Variants in SUCLG2 observed in about 807,000 individuals in gnomAD.
The protein encoded by SUCLG2 is succinate-CoA ligase GDP-forming subunit beta.
Under a neutral mutation model 47.9 loss-of-function variants are expected in SUCLG2, and 42 were observed. The ratio of observed to expected loss-of-function variants is 0.88; its 90% confidence interval spans 0.69 to 1.14. SUCLG2 has a LOEUF of 1.14. Among genes scored for constraint, SUCLG2 ranks in the 50% most tolerant of loss-of-function variants. The pLI, the probability that SUCLG2 is intolerant of heterozygous loss-of-function variation, is 0.00. For missense variants in SUCLG2, 571 were observed against 525.9 expected (o/e 1.09, Z -0.84); for synonymous variants, 195 against 197.3 (o/e 0.99, Z 0.10).
At chr3:67,372,229 G>C (rs540825748), downstream of SUCLG2, among the ~76,000 whole-genome samples, 1 of 152,170 alleles carries the variant, frequency 6.6e-6, no homozygotes, top group Non-Finnish European at 1.5e-5. Context: ...GACAATAGAA[G>C]AAATGATAGA....
chr3:67,432,889 C>T (rs1400796937), intron 9 of SUCLG2, among the ~76,000 whole-genome samples: 4 of 152,332 alleles, frequency 2.6e-5, no homozygotes, highest in Admixed American at 1.3e-4. Context: ...CCTTCCGTAA[C>T]ACCACAGTCA....
At chr3:67,653,804 G>A (rs1701330213) in intron 1 of SUCLG2, among the ~76,000 whole-genome samples, 1 of 152,182 alleles carries the variant, frequency 6.6e-6, no homozygotes. Context: ...AAATCTGCTA[G>A]AGGCCAAGTT....
At chr3:67,384,641 C>T (rs140394173) in intron 10 of SUCLG2, among the ~76,000 whole-genome samples, 425 of 152,298 alleles carry the variant, frequency 2.8e-3, no homozygotes, top group African/African-American at 9.6e-3. Flanking sequence ...AGCTTGCAGT[C>T]CCTACTTCTG....
intron 9 of SUCLG2, among the ~76,000 whole-genome samples, chr3:67,479,894 T>C (rs545961787): frequency 6.6e-6 from 1 of 152,326 alleles, no homozygotes; most frequent in South Asian, 2.1e-4. Flanking sequence ...ACAAACCACA[T>C]TGATGAACTC....
chr3:67,518,840 C>T lies in SUCLG2; in HGVS notation c.571-504G>A, dbSNP rs149398851. Among the ~76,000 whole-genome samples the T allele has an allele frequency of 3.7e-4, 56 of 152,260 alleles. 1 individual carries two copies. The highest frequency in any genetic ancestry group is 1.3e-3 in the African/African-American group (52 of 41,544). On this transcript the variant is annotated intron_variant, in intron 5 of 10. Transcript: ENST00000307227. ...CACTGTCACTATACATTATTTCATG[C>T]ATTCTCTTAACAAATGGAATGGCCT...
chr3:67,369,740 C>T (rs945001395), downstream of SUCLG2, among the ~76,000 whole-genome samples: 5 of 152,352 alleles, frequency 3.3e-5, no homozygotes, highest in Admixed American at 1.3e-4. Context: ...AAGACGCCCA[C>T]TGGCTTTCAG....
intron 9 of SUCLG2, among the ~76,000 whole-genome samples, chr3:67,476,224 A>G (rs1202928131): frequency 6.6e-6 from 1 of 152,036 alleles, no homozygotes; most frequent in Non-Finnish European, 1.5e-5. Flanking sequence ...TGGGCCGCAC[A>G]GCAGGAGGTG....
At chr3:67,515,181 T>C (rs1354713454) in intron 6 of SUCLG2, among the ~76,000 whole-genome samples, 1 of 152,246 alleles carries the variant, frequency 6.6e-6, no homozygotes, top group Non-Finnish European at 1.5e-5. Context: ...GCTATTGTTC[T>C]ATTTCATACT....
chr3:67,467,851 G>GT (rs1430876196), intron 9 of SUCLG2, among the ~76,000 whole-genome samples: 1 of 152,128 alleles, frequency 6.6e-6, no homozygotes, highest in African/African-American at 2.4e-5. Flanking sequence ...AGTCACAGAT[G>GT]TAAGAGGAAA....
intron 10 of SUCLG2, among the ~76,000 whole-genome samples, chr3:67,397,440 T>C (rs996449938): frequency 3.3e-5 from 5 of 151,932 alleles, no homozygotes; most frequent in African/African-American, 1.2e-4. Context: ...GAGAATAAAA[T>C]ACCTAGGAAT....
chr3:67,428,332 G>C (rs1157021869), intron 9 of SUCLG2, among the ~76,000 whole-genome samples: 1 of 152,122 alleles, frequency 6.6e-6, no homozygotes, highest in Non-Finnish European at 1.5e-5. Context: ...AGGCAAACAG[G>C]GTCTGGAGTG....
intron 9 of SUCLG2, among the ~76,000 whole-genome samples, chr3:67,420,340 C>T (rs1703128878): frequency 2.6e-5 from 4 of 152,082 alleles, no homozygotes; most frequent in Admixed American, 2.6e-4. Flanking sequence ...ATGCAGTATA[C>T]CACACTGGTG....
chr3:67,401,420 A>G (rs1702680883), intron 9 of SUCLG2, among the ~76,000 whole-genome samples: 1 of 152,176 alleles, frequency 6.6e-6, no homozygotes, highest in Non-Finnish European at 1.5e-5. Context: ...GATTAAAAAA[A>G]GACTCTCGAA....
intron 10 of SUCLG2, among the ~76,000 whole-genome samples, chr3:67,364,082 C>T (rs1299391667): frequency 6.6e-6 from 1 of 152,200 alleles, no homozygotes; most frequent in Non-Finnish European, 1.5e-5. Context: ...CAAGGCAGGA[C>T]TCTTCTATAC....
At chr3:67,428,313 G>T (rs1024793461) in intron 9 of SUCLG2, among the ~76,000 whole-genome samples, 2 of 152,192 alleles carry the variant, frequency 1.3e-5, no homozygotes, top group Non-Finnish European at 2.9e-5. Context: ...GCCTCTGCTG[G>T]TGATATCCAG....
chr3:67,402,554 A>G (rs1702709714), intron 9 of SUCLG2, among the ~76,000 whole-genome samples: 2 of 152,252 alleles, frequency 1.3e-5, no homozygotes, highest in South Asian at 2.1e-4. Flanking sequence ...TGCTGTTAGC[A>G]TTGAGGCTTG....
intron 9 of SUCLG2, among the ~76,000 whole-genome samples, chr3:67,403,884 A>G (rs1259280594): frequency 6.6e-6 from 1 of 151,870 alleles, no homozygotes; most frequent in Non-Finnish European, 1.5e-5. Context: ...CTTCCTTTTT[A>G]GTTTATTTAT....
chr3:67,613,928 A>C (rs1243497899), intron 1 of SUCLG2, among the ~76,000 whole-genome samples: 1 of 152,188 alleles, frequency 6.6e-6, no homozygotes. Context: ...CAGGAATAGG[A>C]CTTTCACGAA....
At chr3:67,383,433 C>A (rs191982177) in intron 10 of SUCLG2, among the ~76,000 whole-genome samples, 56 of 152,248 alleles carry the variant, frequency 3.7e-4, no homozygotes, top group Middle Eastern at 3.4e-3. Flanking sequence ...ATGCTTTGTA[C>A]CCCTAACATT....
Sources: allele counts gnomAD v4.1 joint callset (sites outside exome capture counted in the v4.1 genomes callset), GRCh38; gene constraint gnomAD v4.1.1; transcripts MANE v1.5; gene names NCBI Gene and HGNC (gene_info 2026-07-23, HGNC 2026-07-21).